The following DACH2 variants were observed in gnomAD, a reference collection of about 807,000 sequenced individuals.
The protein encoded by DACH2 is dachshund family transcription factor 2, also known as dachshund homolog 2.
A neutral mutation model predicts 35.8 loss-of-function variants in DACH2; 17 were observed. The observed-to-expected ratio is 0.48, with a 90% CI of 0.33 to 0.71. The LOEUF (loss-of-function observed/expected upper bound fraction) is 0.71. DACH2 is among the 30% of genes least tolerant of loss of function. The pLI, the probability that DACH2 is intolerant of heterozygous loss-of-function variation, is 0.02. For synonymous variants in DACH2, 195 were observed against 177.3 expected, an observed-to-expected ratio of 1.10 and a Z score of -0.79; for missense variants, 469 against 472.7, an observed-to-expected ratio of 0.99 and a Z score of 0.07.
intron 7 of DACH2, among the ~76,000 whole-genome samples, chrX:86,803,608 G>A (rs928055589): frequency 9.1e-6 from 1 of 110,035 alleles, no homozygotes; most frequent in African/African-American, 3.3e-5. Context: ...GGGCTTTAAG[G>A]TTACCAGTGT....
intron 2 of DACH2, among the ~76,000 whole-genome samples, chrX:86,469,121 A>C (rs2037722528): frequency 9.0e-6 from 1 of 111,628 alleles, no homozygotes; most frequent in Non-Finnish European, 1.9e-5. Flanking sequence ...CAAATATTAC[A>C]TGATCTCACT....
Position 86,739,843 on chromosome X carries a change from A to T in DACH2, c.1201A>T (p.Ser401Cys), listed in dbSNP as rs1430428534. The T allele has an allele frequency of 4.1e-6, 5 of 1,206,107 alleles. No homozygotes were observed. Among genetic ancestry groups the T allele is most frequent in the Non-Finnish European group, 5.6e-6 (5 of 892,705 alleles). Residue 401 changes from serine (S) to cysteine (C), a missense_variant, in exon 7 of 12, where the codon AGC becomes TGC. Physicochemically the swap from Ser to Cys is moderately radical, Grantham distance 112. This residue lies in a region of DACH2 where 363 missense variants were observed against 334.4 expected (regional missense o/e 1.09). Transcript: ENST00000373125. ...TTCCCACACCAGCAGCAGTGTGTCCAGCTCTCCCTCTCAGATGGATCATCA... is the reference window on the plus strand; with the variant it reads ...TTCCCACACCAGCAGCAGTGTGTCCTGCTCTCCCTCTCAGATGGATCATCA... ...TSSHTSSSVS[S>C]SPSQMDHHLE... is the part of the protein sequence containing the mutation.
At chrX:86,808,752 G>C (rs769294939) in intron 7 of DACH2, among the ~76,000 whole-genome samples, 1 of 110,595 alleles carries the variant, frequency 9.0e-6, no homozygotes, top group South Asian at 3.9e-4. Flanking sequence ...TGATGACCTG[G>C]TAGGTAGCTA....
intron 6 of DACH2, among the ~76,000 whole-genome samples, chrX:86,715,395 G>A (rs1009492237): frequency 1.3e-4 from 14 of 111,064 alleles, no homozygotes; most frequent in Admixed American, 1.9e-4. Context: ...AGGATATTTC[G>A]TAGCTACCCC....
intron 2 of DACH2, among the ~76,000 whole-genome samples, chrX:86,407,823 G>A (rs1185529035): frequency 1.8e-5 from 2 of 112,137 alleles, no homozygotes; most frequent in Non-Finnish European, 3.8e-5. Flanking sequence ...TGATAACTGA[G>A]CATTTGAAAA....
chrX:86,226,417 A>G (rs1449429561), intron 1 of DACH2, among the ~76,000 whole-genome samples: 9 of 111,287 alleles, frequency 8.1e-5, no homozygotes, highest in Non-Finnish European at 1.7e-4. Context: ...AAAAAGTGTC[A>G]TATCAGGTTG....
chrX:86,404,592 A>T (rs1462812063), intron 2 of DACH2, among the ~76,000 whole-genome samples: 2 of 112,362 alleles, frequency 1.8e-5, no homozygotes, highest in Non-Finnish European at 3.8e-5. Context: ...TTTGCAGGAT[A>T]CAACCCTGCT....
At chrX:86,765,698 GTTTTTTTTTTTTT>G (rs60709865) in intron 7 of DACH2, among the ~76,000 whole-genome samples, 35 of 24,650 alleles carry the variant, frequency 1.4e-3, no homozygotes, top group Non-Finnish European at 2.0e-3. Context: ...TTGTTTTTTG[GTTTTTTTTTTTTT>G]TTTTTTTTTT....
At chrX:86,697,656 A>C (rs2041082562) in intron 5 of DACH2, among the ~76,000 whole-genome samples, 1 of 106,317 alleles carries the variant, frequency 9.4e-6, no homozygotes, top group African/African-American at 3.5e-5. Flanking sequence ...AGCTAATCAG[A>C]AAGGTAGAAA....
intron 7 of DACH2, among the ~76,000 whole-genome samples, chrX:86,805,043 C>T (rs2042330019): frequency 8.9e-6 from 1 of 112,310 alleles, no homozygotes; most frequent in Non-Finnish European, 1.9e-5. Flanking sequence ...AGGCAGTGCC[C>T]CAATGGGGAC....
At chrX:86,544,508 A>T (rs1358855322) in intron 3 of DACH2, among the ~76,000 whole-genome samples, 1 of 111,641 alleles carries the variant, frequency 9.0e-6, no homozygotes, top group African/African-American at 3.3e-5. Context: ...TAAAGAAAAG[A>T]AATTCCAACT....
chrX:86,293,382 G>T (rs2082464056), intron 1 of DACH2, among the ~76,000 whole-genome samples: 1 of 108,623 alleles, frequency 9.2e-6, no homozygotes, highest in African/African-American at 3.4e-5. Flanking sequence ...TATCCAATTT[G>T]CCAGTCAATG....
At chrX:86,617,477 G>A (rs182268018) in intron 3 of DACH2, among the ~76,000 whole-genome samples, 4 of 110,888 alleles carry the variant, frequency 3.6e-5, no homozygotes, top group South Asian at 7.6e-4. Flanking sequence ...AATTCTCATC[G>A]TTGAACTTTC....
chrX:86,789,080 T>C (rs1218712534), intron 7 of DACH2, among the ~76,000 whole-genome samples: 1 of 112,097 alleles, frequency 8.9e-6, no homozygotes, highest in Admixed American at 9.5e-5. Flanking sequence ...CAATTTATAT[T>C]ACTCTAGACC....
chrX:86,250,879 C>T (rs2033386435), intron 1 of DACH2, among the ~76,000 whole-genome samples: 1 of 111,261 alleles, frequency 9.0e-6, no homozygotes, highest in East Asian at 2.8e-4. Context: ...ACAACTGAGG[C>T]TACAGCATTG....
chrX:86,514,429 G>A (rs777517290), intron 3 of DACH2, 38 bp downstream of exon 3: 18 of 1,104,767 alleles, frequency 1.6e-5, no homozygotes, highest in South Asian at 4.0e-5. Flanking sequence ...ATGTCTCTTC[G>A]TACTGCCCAG....
chrX:86,512,005 A>T lies in DACH2; in HGVS notation c.528-2274A>T, dbSNP rs529255603. 5.3e-4 allele frequency among the ~76,000 whole-genome samples: 59 copies of T among 112,377 alleles called. 1 individual carries two copies. In the South Asian group the frequency reaches 0.021, roughly 39 times the overall value. On this transcript the variant is annotated intron_variant, in intron 2 of 11. Transcript: ENST00000373125. ...AGGAATATTTGGAAACTGTACAAGC[A>T]GTGAAAGATTGTTTCCTATGTATAT...
intron 2 of DACH2, among the ~76,000 whole-genome samples, chrX:86,409,062 T>C (rs1261015748): frequency 9.0e-6 from 1 of 111,685 alleles, no homozygotes; most frequent in East Asian, 2.8e-4. Context: ...GGTTAGTTTT[T>C]GAGATTATTA....
chrX:86,532,843 A>T (rs2038742688), intron 3 of DACH2, among the ~76,000 whole-genome samples: 1 of 110,763 alleles, frequency 9.0e-6, no homozygotes, highest in Non-Finnish European at 1.9e-5. Context: ...TGAGTATCCT[A>T]TTTGAGATAG....
Sources: gnomAD v4.1 joint callset for allele counts (sites outside exome capture counted in the v4.1 genomes callset) on GRCh38, gnomAD v4.1.1 for gene constraint, gnomAD v4.1.1 regional missense constraint, MANE v1.5 for transcripts, NCBI Gene and HGNC (gene_info 2026-07-23, HGNC 2026-07-21) for gene names.